The following PGBD2 variants were observed in gnomAD, a reference collection of about 807,000 sequenced individuals.
PGBD2 encodes piggyBac transposable element derived 2.
PGBD2 carries 6 observed loss-of-function variants against 8.1 expected under a neutral mutation model. The ratio of observed to expected loss-of-function variants is 0.74; its 90% CI spans 0.40 to 1.46. The LOEUF (loss-of-function observed/expected upper bound fraction) is 1.46. Ranked by LOEUF, PGBD2 falls within the 40% of genes most tolerant of loss-of-function variation. The pLI is 0.02. For synonymous variants in PGBD2, 318 were observed against 272.2 expected (o/e 1.17, Z -1.66); for missense variants, 802 against 739.0 (o/e 1.09, Z -0.99).
At position 248,913,896 on chromosome 1, in the gene PGBD2, A is replaced by G. The variant is rs370794005; in HGVS notation, c.17+17A>G. On this transcript the variant is annotated intron_variant, in intron 2 of 2. Coordinates refer to ENST00000329291, the MANE Select transcript of PGBD2 (RefSeq NM_170725.3). The stretch of plus-strand genomic sequence containing the variant: ...AACATCCAGGTAGGAGTGCTGTTTG[A>G]TCAAATGTTTTATTGAAGAATTTAT... 1.4e-5 allele frequency: 23 copies of G among 1,603,272 alleles called. No homozygotes were observed. Among genetic ancestry groups the G allele is most frequent in the Non-Finnish European group, 1.9e-5 (22 of 1,170,316 alleles).
the PGBD2 span, among the ~76,000 whole-genome samples, chr1:248,928,918 C>T: frequency 1.3e-5 from 2 of 152,162 alleles, no homozygotes; most frequent in African/African-American, 4.8e-5. Context: ...CCTGAAGGAA[C>T]CTAAGAAATT....
At chr1:248,892,248 TCCC>T in the PGBD2 span, among the ~76,000 whole-genome samples, 1 of 105,446 alleles carries the variant, frequency 9.5e-6, no homozygotes, top group African/African-American at 5.2e-5. Context: ...CTTCCTTCCC[TCCC>T]TCCCTCCCTC....
At chr1:248,904,084 T>A (rs535921767), upstream of PGBD2, among the ~76,000 whole-genome samples, 5 of 152,046 alleles carry the variant, frequency 3.3e-5, no homozygotes, top group Admixed American at 6.5e-5. Flanking sequence ...GTTTTTTTTT[T>A]ATTTGTTAAC....
At chr1:248,893,724 T>C in the PGBD2 span, among the ~76,000 whole-genome samples, 1 of 152,198 alleles carries the variant, frequency 6.6e-6, no homozygotes, top group East Asian at 1.9e-4. Context: ...TCTTCAAGAT[T>C]CTAATGTTTA....
intron 1 of PGBD2, among the ~76,000 whole-genome samples, chr1:248,907,972 T>A (rs1451239559): frequency 6.6e-6 from 1 of 152,200 alleles, no homozygotes; most frequent in East Asian, 1.9e-4. Flanking sequence ...ATAATTTTTA[T>A]CTTGAATTAA....
At position 248,917,013 on chromosome 1, in the gene PGBD2, C is replaced by T. The variant is rs780604108; in HGVS notation, c.429C>T (p.Gly143=). 1.2e-6 allele frequency: 2 copies of T among 1,613,682 alleles called. No individual in the cohort carries two copies. The highest frequency in any genetic ancestry group is 4.5e-5 in the East Asian group (2 of 44,868). ...DLKSQELSPV[G]LFELFFDEGT... is the part of the protein sequence containing the mutation. ...AAAGCCAAGAGCTGAGTCCCGTGGGCCTTTTTGAGTTGTTTTTTGATGAAG... is the reference window on the plus strand; with the variant it reads ...AAAGCCAAGAGCTGAGTCCCGTGGGTCTTTTTGAGTTGTTTTTTGATGAAG... The change falls in exon 3 of 3, where the codon GGC becomes GGT. Residue 143 remains glycine, a synonymous_variant. Coordinates refer to ENST00000329291, the MANE Select transcript of PGBD2 (RefSeq NM_170725.3).
Position 248,913,891 on chromosome 1 carries a change from G to T in PGBD2, c.17+12G>T. On this transcript the variant is annotated intron_variant, in intron 2 of 2. Transcript: ENST00000329291. ...GCTTCAACATCCAGGTAGGAGTGCT[G>T]TTTGATCAAATGTTTTATTGAAGAA... 6.2e-7 allele frequency: 1 copy of T among 1,605,346 alleles called. No individual in the cohort carries two copies.
At chr1:248,890,188 C>A in the PGBD2 span, among the ~76,000 whole-genome samples, 32,804 of 151,908 alleles carry the variant, frequency 0.22, 8,579 homozygotes, top group African/African-American at 0.63. Context: ...CAGCCTCCCA[C>A]AGTGCTGGGT....
intron 2 of PGBD2, chr1:248,914,483 C>T: frequency 7.8e-7 from 1 of 1,288,176 alleles, no homozygotes. Flanking sequence ...GTCAGCATGG[C>T]AGCTGACAGT....
the PGBD2 span, among the ~76,000 whole-genome samples, chr1:248,891,392 G>C: frequency 6.6e-6 from 1 of 152,204 alleles, no homozygotes; most frequent in East Asian, 1.9e-4. Context: ...TTGTGATTGT[G>C]AGTGGGGCAT....
chr1:248,904,270 C>T (rs1485886562), upstream of PGBD2, among the ~76,000 whole-genome samples: 5 of 151,230 alleles, frequency 3.3e-5, no homozygotes, highest in Admixed American at 6.6e-5. Context: ...TCTAGCTTAA[C>T]GGGCTAAATT....
chr1:248,914,766 C>T (rs545508979), intron 2 of PGBD2, among the ~76,000 whole-genome samples: 2 of 152,300 alleles, frequency 1.3e-5, no homozygotes, highest in South Asian at 4.1e-4. Flanking sequence ...CATGGTTCAC[C>T]CCCACCCCTG....
chr1:248,914,507 G>A (rs1236395948), intron 2 of PGBD2: 2 of 1,289,156 alleles, frequency 1.6e-6, no homozygotes, highest in East Asian at 1.1e-4. Flanking sequence ...TCTCCAGGAA[G>A]TGAGGTTGGA....
the PGBD2 span, among the ~76,000 whole-genome samples, chr1:248,874,897 T>C: frequency 7.2e-6 from 1 of 138,242 alleles, no homozygotes; most frequent in African/African-American, 2.7e-5. Flanking sequence ...GATAGATAGG[T>C]AGATAGAGAT....
In PGBD2 at chr1:248,917,690, A is replaced by AAG. The variant is rs1274690816; in HGVS notation, c.1107_1108dup (p.Ala370GlufsTer16). 1.9e-6 allele frequency: 3 copies of AAG among 1,614,100 alleles called. No individual in the cohort carries two copies. The Admixed American group carries it at 5.0e-5, about 27-fold the overall frequency. On this transcript the variant is annotated frameshift_variant, in exon 3 of 3. Coordinates refer to ENST00000329291, the MANE Select transcript of PGBD2 (RefSeq NM_170725.3). LOFTEE classifies it low-confidence loss of function (END_TRUNC). The stretch of plus-strand genomic sequence containing the variant: ...TCCATTTTGAGGAAAAAGGGGGTGA[A>AAG]AGCCACAGGAACTGTTCGTGAGTAC...
At chr1:248,929,859 T>G in the PGBD2 span, among the ~76,000 whole-genome samples, 1 of 152,190 alleles carries the variant, frequency 6.6e-6, no homozygotes, top group East Asian at 1.9e-4. Flanking sequence ...TTTTTTCTTT[T>G]GGAAGTCTCC....
At chr1:248,902,718 A>G (rs1438693811), upstream of PGBD2, among the ~76,000 whole-genome samples, 1 of 152,154 alleles carries the variant, frequency 6.6e-6, no homozygotes, top group Non-Finnish European at 1.5e-5. Context: ...GGAGCTGGGA[A>G]CCATTATCCT....
the PGBD2 span, among the ~76,000 whole-genome samples, chr1:248,928,060 G>C: frequency 1.3e-5 from 2 of 151,988 alleles, no homozygotes; most frequent in Admixed American, 1.3e-4. Context: ...TTTTTTGTTT[G>C]TTTTTTGTGG....
At chr1:248,919,263 C>T (rs1385275386), downstream of PGBD2, 1 of 166,990 alleles carries the variant, frequency 6.0e-6, no homozygotes, top group Non-Finnish European at 1.5e-5. Context: ...CTCTGGTAAC[C>T]TTCTTTCCAC....
Sources: gnomAD v4.1 joint callset for allele counts (sites outside exome capture counted in the v4.1 genomes callset) on GRCh38, gnomAD v4.1.1 for gene constraint, MANE v1.5 for transcripts, NCBI Gene and HGNC (gene_info 2026-07-23, HGNC 2026-07-21) for gene names.